The following ELP4 variants were observed in gnomAD, a reference collection of about 807,000 sequenced individuals.
ELP4 encodes elongator acetyltransferase complex subunit 4.
Under a neutral mutation model 48.9 loss-of-function variants are expected in ELP4, and 51 were observed. The ratio of observed to expected loss-of-function variants is 1.04; its 90% CI spans 0.83 to 1.32. ELP4 has a LOEUF of 1.32. Among genes scored for constraint, ELP4 ranks in the 40% most tolerant of loss-of-function variants. ELP4 has a pLI of 0.00. For missense variants in ELP4, 519 were observed against 514.6 expected (o/e 1.01, Z -0.08); for synonymous variants, 210 against 189.2 (o/e 1.11, Z -0.90).
At chr11:31,567,521 T>C (rs1310081892) in intron 3 of ELP4, among the ~76,000 whole-genome samples, 3 of 152,208 alleles carry the variant, frequency 2.0e-5, no homozygotes, top group African/African-American at 4.8e-5. Flanking sequence ...CTGACAGTTA[T>C]GATATTCTCC....
At chr11:31,534,058 G>A (rs568781460) in intron 2 of ELP4, among the ~76,000 whole-genome samples, 283 of 151,858 alleles carry the variant, frequency 1.9e-3, no homozygotes, top group Non-Finnish European at 3.6e-3. Context: ...GGATGGTCTC[G>A]ATCTCCTGAC....
intron 3 of ELP4, among the ~76,000 whole-genome samples, chr11:31,592,204 A>C (rs1045318240): frequency 6.6e-6 from 1 of 152,174 alleles, no homozygotes; most frequent in Non-Finnish European, 1.5e-5. Flanking sequence ...CAAATTTTTT[A>C]CTTAAAATGT....
chr11:31,521,782 T>C (rs973302713), intron 2 of ELP4, among the ~76,000 whole-genome samples: 1 of 152,172 alleles, frequency 6.6e-6, no homozygotes, highest in Non-Finnish European at 1.5e-5. Flanking sequence ...CATCTTCAGT[T>C]GTACAGTATT....
intron 9 of ELP4, chr11:31,727,705 A>T (rs533815569): frequency 6.6e-6 from 1 of 152,294 alleles, no homozygotes; most frequent in South Asian, 2.1e-4. Flanking sequence ...ATCTATTATT[A>T]TTGTTTCACA....
intron 3 of ELP4, among the ~76,000 whole-genome samples, chr11:31,557,044 G>A (rs553013499): frequency 6.6e-6 from 1 of 151,874 alleles, no homozygotes; most frequent in East Asian, 1.9e-4. Context: ...TAAACCAGAA[G>A]TCTGAGAATA....
At chr11:31,633,000 A>C (rs1944896470) in intron 7 of ELP4, 1 of 152,038 alleles carries the variant, frequency 6.6e-6, no homozygotes, top group Non-Finnish European at 1.5e-5. Context: ...TATCTAATAC[A>C]TTGTAGTCTC....
At chr11:31,699,185 A>G (rs1041105327) in intron 9 of ELP4, among the ~76,000 whole-genome samples, 5 of 152,180 alleles carry the variant, frequency 3.3e-5, no homozygotes, top group Non-Finnish European at 2.9e-5. Flanking sequence ...CACAAAAAAT[A>G]AAAAAGAAGT....
At chr11:31,683,482 G>T (rs755367876) in intron 9 of ELP4, among the ~76,000 whole-genome samples, 7 of 152,126 alleles carry the variant, frequency 4.6e-5, no homozygotes, top group Non-Finnish European at 8.8e-5. Context: ...GAATTTTACT[G>T]CAGGACAGAT....
At chr11:31,668,421 C>T (rs1452659834) in intron 9 of ELP4, among the ~76,000 whole-genome samples, 2 of 151,774 alleles carry the variant, frequency 1.3e-5, no homozygotes, top group Non-Finnish European at 1.5e-5. Context: ...AAATGATTGG[C>T]AACACTCAAG....
chr11:31,594,200 T>C (rs1443413148), intron 3 of ELP4, among the ~76,000 whole-genome samples: 2 of 152,190 alleles, frequency 1.3e-5, no homozygotes, highest in East Asian at 3.8e-4. Context: ...ATTAATAAAT[T>C]GTAACTTACT....
intron 9 of ELP4, among the ~76,000 whole-genome samples, chr11:31,757,547 G>T (rs970544501): frequency 2.0e-5 from 3 of 152,090 alleles, no homozygotes; most frequent in African/African-American, 7.2e-5. Context: ...TCAGCTTGCC[G>T]TGTTTCTTTA....
chr11:31,661,134 A>G (rs868767082), intron 9 of ELP4, among the ~76,000 whole-genome samples: 36 of 152,060 alleles, frequency 2.4e-4, no homozygotes, highest in African/African-American at 8.7e-4. Flanking sequence ...CACAGCAACC[A>G]TACACACACC....
In ELP4 at chr11:31,785,257, GTT is replaced by G. The variant is rs1469094494; in HGVS notation, c.*1735_*1736del. 2 of 182,812 alleles carry G rather than the reference GTT, an allele frequency of 1.1e-5. No homozygotes were observed. Among genetic ancestry groups the G allele is most frequent in the Non-Finnish European group, 2.3e-5 (2 of 85,892 alleles). 11.3% of individuals were successfully genotyped at this position (182,812 alleles called of 1,614,324 possible). A position where few individuals can be genotyped will look rare whatever the true frequency, so the allele number is the denominator to read the frequency against. ...TAAATTCAAATGAGTATTTTAGTCA[GTT>G]TATTATTTTAATAACTCTAACCTTT... On this transcript the variant is annotated 3_prime_UTR_variant, in exon 10 of 10. Coordinates refer to ENST00000640961, the MANE Select transcript of ELP4 (RefSeq NM_019040.5).
chr11:31,575,875 G>T (rs144722595), intron 3 of ELP4, among the ~76,000 whole-genome samples: 4 of 152,140 alleles, frequency 2.6e-5, no homozygotes, highest in Non-Finnish European at 5.9e-5. Flanking sequence ...GGAAGAAACT[G>T]CATTAACTAA....
At chr11:31,548,956 C>G (rs923786444) in intron 3 of ELP4, among the ~76,000 whole-genome samples, 2 of 152,074 alleles carry the variant, frequency 1.3e-5, no homozygotes, top group African/African-American at 4.8e-5. Context: ...AAACTGGACC[C>G]CTTCCTTACA....
chr11:31,744,669 G>T (rs1230329512), intron 9 of ELP4, among the ~76,000 whole-genome samples: 1 of 152,136 alleles, frequency 6.6e-6, no homozygotes, highest in African/African-American at 2.4e-5. Context: ...TGCAGAGAAG[G>T]CCTTTGACAA....
intron 9 of ELP4, among the ~76,000 whole-genome samples, chr11:31,700,902 T>C (rs1247475411): frequency 6.6e-6 from 1 of 152,048 alleles, no homozygotes; most frequent in Non-Finnish European, 1.5e-5. Flanking sequence ...ATGTCATATA[T>C]AGTATAAATG....
At chr11:31,750,977 C>T (rs1386823219) in intron 9 of ELP4, among the ~76,000 whole-genome samples, 1 of 152,168 alleles carries the variant, frequency 6.6e-6, no homozygotes, top group Non-Finnish European at 1.5e-5. Flanking sequence ...TCTTCAGGCT[C>T]CAGTATTTAA....
chr11:31,710,930 G>A (rs1946729436), intron 9 of ELP4, among the ~76,000 whole-genome samples: 1 of 152,300 alleles, frequency 6.6e-6, no homozygotes, highest in South Asian at 2.1e-4. Flanking sequence ...AATAGATGGG[G>A]AGGTAACTAT....
Sources: gnomAD v4.1 joint callset for allele counts (sites outside exome capture counted in the v4.1 genomes callset) on GRCh38, gnomAD v4.1.1 for gene constraint, MANE v1.5 for transcripts, NCBI Gene and HGNC (gene_info 2026-07-23, HGNC 2026-07-21) for gene names.